CLIP4: variants seen among roughly 807,000 people sequenced by gnomAD.
CLIP4 encodes the protein CAP-Gly domain-containing linker protein 4.
Under a neutral mutation model 73.1 loss-of-function variants are expected in CLIP4, and 47 were observed. The ratio of observed to expected loss-of-function variants is 0.64; its 90% confidence interval spans 0.51 to 0.82. The LOEUF (loss-of-function observed/expected upper bound fraction) is 0.82. CLIP4 is among the 40% of genes least tolerant of loss of function. The pLI is 0.00. For missense variants in CLIP4, 874 were observed against 852.9 expected (o/e 1.02, Z -0.31); for synonymous variants, 306 against 295.4 (o/e 1.04, Z -0.37).
chr2:29,172,740 A>G (rs1213284072), intron 14 of CLIP4, among the ~76,000 whole-genome samples: 1 of 151,978 alleles, frequency 6.6e-6, no homozygotes, highest in African/African-American at 2.4e-5. Context: ...ATGCGCTCTC[A>G]TATTTCTCAC....
At chr2:29,166,530 GACACACACACAC>G (rs55833657) in intron 13 of CLIP4, among the ~76,000 whole-genome samples, 3 of 146,910 alleles carry the variant, frequency 2.0e-5, no homozygotes, top group East Asian at 2.1e-4. Flanking sequence ...TACACACACA[GACACACACACAC>G]ACACACACAC....
chr2:29,130,528 G>C (rs995719874), intron 2 of CLIP4: 9 of 600,956 alleles, frequency 1.5e-5, no homozygotes, highest in Admixed American at 5.0e-5. Context: ...AGGTGTTTTG[G>C]AGAATAGGTC....
At position 29,183,568 on chromosome 2, in the gene CLIP4, C is replaced by T. The variant is rs1240496200; in HGVS notation, c.*1675C>T. ...CAAACTTGGTTATTCATAATTTTTC[C>T]TGTTAAATATAAAACACTGTAAGTT... is the stretch of plus-strand genomic sequence containing the variant. On this transcript the variant is annotated 3_prime_UTR_variant, in exon 16 of 16. Coordinates refer to ENST00000320081, the MANE Select transcript of CLIP4 (RefSeq NM_024692.6). The T allele has an allele frequency of 2.0e-5, 3 of 152,562 alleles. No homozygotes were observed. Among genetic ancestry groups the T allele is most frequent in the African/African-American group, 7.2e-5 (3 of 41,432 alleles). 9.5% of individuals were successfully genotyped at this position (152,562 alleles called of 1,614,324 possible). A position where few individuals can be genotyped will look rare whatever the true frequency, so the allele number is the denominator to read the frequency against.
At chr2:29,178,771 A>G (rs942309398) in intron 15 of CLIP4, among the ~76,000 whole-genome samples, 5 of 151,864 alleles carry the variant, frequency 3.3e-5, no homozygotes, top group Admixed American at 6.6e-5. Context: ...TTCTCTGCAT[A>G]TATGTGTGTG....
chr2:29,157,523 G>A (rs560221319), intron 11 of CLIP4, 176 bp downstream of exon 11: 28 of 897,526 alleles, frequency 3.1e-5, no homozygotes, highest in East Asian at 1.1e-4. Context: ...TTGTTTTGCC[G>A]TCTCAGATAT....
chr2:29,098,222 C>A (rs115430882), intron 1 of CLIP4, among the ~76,000 whole-genome samples: 1 of 152,132 alleles, frequency 6.6e-6, no homozygotes, highest in Non-Finnish European at 1.5e-5. Context: ...TTTCTTCTTA[C>A]GATCAATGAA....
rs184337372 is a variant in CLIP4 at position 29,102,316 on chromosome 2, A to T, written c.-16+4369A>T. Among the ~76,000 whole-genome samples the T allele has an allele frequency of 1.4e-3, 215 of 152,310 alleles. 1 individual carries two copies. Among genetic ancestry groups the T allele is most frequent in the Admixed American group, 2.2e-3 (34 of 15,302 alleles). On this transcript the variant is annotated intron_variant, in intron 1 of 14. Coordinates refer to the CLIP4 transcript ENST00000401605. ...AGGTCATCAATGAGACTGCAGGGAC[A>T]CGAGAAAGTTTTGTTAGTGAAAGGA...
At position 29,115,653 on chromosome 2, in the gene CLIP4, C is replaced by G. The variant is rs1442778046; in HGVS notation, c.-28C>G. 7 of 147,470 alleles carry G rather than the reference C, an allele frequency of 4.7e-5. No individual in the cohort carries two copies. Among genetic ancestry groups the G allele is most frequent in the African/African-American group, 1.7e-4 (7 of 40,932 alleles). The allele number at this position is 147,470 out of a possible 1,614,324, so 9.1% of individuals were successfully genotyped here. A position where few individuals can be genotyped will look rare whatever the true frequency, so the allele number is the denominator to read the frequency against. ...CCCCAGCCGGCCGCTCCGAGAGGAC[C>G]CGGAGGAGGCAGGTGGGCCGGGGGC... On this transcript the variant is annotated 5_prime_UTR_variant, in exon 1 of 16. Coordinates refer to ENST00000320081, the MANE Select transcript of CLIP4 (RefSeq NM_024692.6). The surrounding 1 kb of genome is among the most constrained non-coding windows in gnomAD (Gnocchi z 5.1).
upstream of CLIP4, among the ~76,000 whole-genome samples, chr2:29,110,498 AAAG>A (rs558716681): frequency 6.0e-4 from 91 of 152,328 alleles, 1 homozygote; most frequent in South Asian, 2.5e-3. Flanking sequence ...CAGTGAGCAA[AAAG>A]AAGAATAGAG....
intron 3 of CLIP4, chr2:29,131,728 T>C (rs1001389996): frequency 3.7e-5 from 9 of 242,396 alleles, no homozygotes; most frequent in Non-Finnish European, 4.7e-5. Flanking sequence ...TTTACACTTT[T>C]GGTTGGTTTG....
chr2:29,122,691 G>T (rs1664339798), intron 2 of CLIP4, among the ~76,000 whole-genome samples: 1 of 151,976 alleles, frequency 6.6e-6, no homozygotes, highest in South Asian at 2.1e-4. Flanking sequence ...GCCAGGCATG[G>T]TGGTGTGCGC....
chr2:29,144,943 C>T (rs1389232433), intron 7 of CLIP4, among the ~76,000 whole-genome samples: 24 of 151,586 alleles, frequency 1.6e-4, no homozygotes, highest in Admixed American at 2.0e-4. Context: ...GCTGGAACTA[C>T]AGGTGTGTGC....
intron 15 of CLIP4, among the ~76,000 whole-genome samples, chr2:29,178,885 C>T (rs561981152): frequency 1.3e-5 from 2 of 152,318 alleles, no homozygotes; most frequent in African/African-American, 4.8e-5. Flanking sequence ...ACCTCTGCCT[C>T]CCGAGTTCAA....
chr2:29,134,801 T>A (rs914888617), intron 5 of CLIP4, among the ~76,000 whole-genome samples: 4 of 152,200 alleles, frequency 2.6e-5, no homozygotes, highest in African/African-American at 7.2e-5. Context: ...TGTTAAACGT[T>A]ATTAACATGT....
chr2:29,132,286 C>T, intron 4 of CLIP4, 41 bp downstream of exon 4: 2 of 1,467,242 alleles, frequency 1.4e-6, no homozygotes, highest in East Asian at 4.5e-5. Context: ...ATGTCATCTG[C>T]ACTTGTGCTT....
chr2:29,163,586 T>C (rs992911292), intron 12 of CLIP4, among the ~76,000 whole-genome samples: 3 of 152,238 alleles, frequency 2.0e-5, no homozygotes, highest in African/African-American at 7.2e-5. Flanking sequence ...TTTGTGTTTG[T>C]GCATTTTATT....
chr2:29,167,082 C>T (rs1490217518), intron 13 of CLIP4, among the ~76,000 whole-genome samples: 1 of 152,194 alleles, frequency 6.6e-6, no homozygotes, highest in Non-Finnish European at 1.5e-5. Flanking sequence ...CTCACACAAA[C>T]TCAGCCAATA....
chr2:29,158,739 G>A (rs1435795744), intron 11 of CLIP4, among the ~76,000 whole-genome samples: 1 of 152,222 alleles, frequency 6.6e-6, no homozygotes, highest in Non-Finnish European at 1.5e-5. Flanking sequence ...GAAAGGTAGG[G>A]ACCTCGGCCT....
Position 29,145,240 on chromosome 2 carries a change from A to G in CLIP4, c.894A>G (p.Thr298=), listed in dbSNP as rs374159869. 36 of 1,613,418 alleles carry G rather than the reference A, an allele frequency of 2.2e-5. No homozygotes were observed. The African/African-American group carries it at 2.4e-4, about 11-fold the overall frequency. The change falls in exon 8 of 16, where the codon ACA becomes ACG. Residue 298 remains threonine, a synonymous_variant. Transcript: ENST00000320081. ...RVVIAGQKVG[T]LRFCGTTEFA... ...GTTTATATTTTCTTTAGGTTGGTAC[A>G]TTAAGATTTTGTGGAACAACTGAAT...
Sources: allele counts gnomAD v4.1 joint callset (sites outside exome capture counted in the v4.1 genomes callset), GRCh38; gene constraint gnomAD v4.1.1; non-coding constraint Gnocchi (gnomAD v3.1); transcripts MANE v1.5; gene names NCBI Gene and HGNC (gene_info 2026-07-23, HGNC 2026-07-21).